The following KLHL1 variants were observed in gnomAD, a reference collection of about 807,000 sequenced individuals.
KLHL1 encodes the protein kelch like family member 1.
Under a neutral mutation model 77.7 loss-of-function variants are expected in KLHL1, and 47 were observed. The observed-to-expected ratio is 0.60, with a 90% CI of 0.48 to 0.77. The LOEUF (loss-of-function observed/expected upper bound fraction) is 0.77. Ranked by LOEUF, KLHL1 falls within the 30% of genes least tolerant of loss-of-function variation. KLHL1 has a pLI of 0.00. For missense variants in KLHL1, 925 were observed against 910.8 expected (o/e 1.02, Z -0.20); for synonymous variants, 360 against 325.2 (o/e 1.11, Z -1.15).
At chr13:69,835,722 C>A (rs1878961044) in intron 6 of KLHL1, among the ~76,000 whole-genome samples, 1 of 151,762 alleles carries the variant, frequency 6.6e-6, no homozygotes, top group African/African-American at 2.4e-5. Context: ...TTGTCAGAAA[C>A]AACAAACAAC....
At chr13:69,830,162 G>A (rs188859362) in intron 6 of KLHL1, among the ~76,000 whole-genome samples, 22 of 150,124 alleles carry the variant, frequency 1.5e-4, no homozygotes, top group Non-Finnish European at 3.0e-5. Flanking sequence ...ATACGGAATG[G>A]ATAATAATTC....
At chr13:69,886,569 T>C (rs902367352) in intron 4 of KLHL1, among the ~76,000 whole-genome samples, 1 of 151,964 alleles carries the variant, frequency 6.6e-6, no homozygotes, top group African/African-American at 2.4e-5. Context: ...AACCTAATGG[T>C]AATATTGTAT....
intron 1 of KLHL1, among the ~76,000 whole-genome samples, chr13:70,062,733 G>A (rs1886921336): frequency 6.6e-6 from 1 of 151,884 alleles, no homozygotes; most frequent in Non-Finnish European, 1.5e-5. Flanking sequence ...GCTTCTTAAT[G>A]TATTAAACTT....
intron 7 of KLHL1, among the ~76,000 whole-genome samples, chr13:69,787,890 A>G (rs1406710245): frequency 6.6e-6 from 1 of 152,258 alleles, no homozygotes; most frequent in Non-Finnish European, 1.5e-5. Flanking sequence ...TATGCAGCCA[A>G]AAAACACATG....
chr13:69,771,530 T>C (rs547561767), intron 7 of KLHL1, among the ~76,000 whole-genome samples: 1 of 152,334 alleles, frequency 6.6e-6, no homozygotes, highest in South Asian at 2.1e-4. Flanking sequence ...GTCTCTTGTC[T>C]GTCATTTCAT....
rs376082241 is a variant in KLHL1 at position 69,907,361 on chromosome 13, C to A, written c.1015-24866G>T. ...CAAGTGTTTCCAAAATGGCAAATAT[C>A]TATTGTAATATTCTGAAGTAGAATC... is the stretch of plus-strand genomic sequence containing the variant. On this transcript the variant is annotated intron_variant, in intron 4 of 10. Transcript: ENST00000377844. Among the ~76,000 whole-genome samples the A allele has an allele frequency of 1.8e-4, 28 of 152,028 alleles. No individual in the cohort carries two copies. In the East Asian group the frequency reaches 5.0e-3, roughly 27 times the overall value.
At chr13:70,061,577 C>T (rs1886887452) in intron 1 of KLHL1, among the ~76,000 whole-genome samples, 1 of 152,110 alleles carries the variant, frequency 6.6e-6, no homozygotes, top group Non-Finnish European at 1.5e-5. Context: ...GTCAGATTTT[C>T]TCTTCACACT....
chr13:69,814,886 C>G lies in KLHL1; in HGVS notation c.1415-17924G>C, dbSNP rs553351088. ...ATTAGCTGGGCGTGGTGGGGTGTGC[C>G]TGTAGTCCCAGCTACTCGGGAGGCT... On this transcript the variant is annotated intron_variant, in intron 6 of 10. Coordinates refer to ENST00000377844, the MANE Select transcript of KLHL1 (RefSeq NM_020866.3). 5.3e-5 allele frequency among the ~76,000 whole-genome samples: 8 copies of G among 152,178 alleles called. No homozygotes were observed. The East Asian group carries it at 1.6e-3, about 30-fold the overall frequency.
intron 7 of KLHL1, among the ~76,000 whole-genome samples, chr13:69,759,312 C>A (rs1239521506): frequency 6.6e-6 from 1 of 152,108 alleles, no homozygotes. Flanking sequence ...ACAGCATTAG[C>A]TCATGAACAA....
chr13:70,063,192 CTA>C (rs1684798983), intron 1 of KLHL1, among the ~76,000 whole-genome samples: 1 of 152,112 alleles, frequency 6.6e-6, no homozygotes, highest in South Asian at 2.1e-4. Flanking sequence ...TCTAAGTAGA[CTA>C]TGCTAGGTGA....
intron 1 of KLHL1, among the ~76,000 whole-genome samples, chr13:69,981,486 G>A (rs1362270258): frequency 2.0e-5 from 3 of 151,724 alleles, no homozygotes; most frequent in Non-Finnish European, 4.4e-5. Context: ...TACATACATA[G>A]ATCTTAGACA....
intron 5 of KLHL1, among the ~76,000 whole-genome samples, chr13:69,844,598 T>C (rs1026452421): frequency 6.6e-6 from 1 of 151,636 alleles, no homozygotes; most frequent in African/African-American, 2.4e-5. Context: ...GCCAACCACA[T>C]GTGAGTTTGG....
chr13:69,844,935 TA>T (rs1047947312), intron 5 of KLHL1, among the ~76,000 whole-genome samples: 2 of 150,070 alleles, frequency 1.3e-5, no homozygotes, highest in African/African-American at 4.9e-5. Context: ...TGGTGAAAAC[TA>T]AAAAAAAATA....
chr13:69,976,214 T>A (rs921134228), intron 1 of KLHL1, among the ~76,000 whole-genome samples: 3 of 152,044 alleles, frequency 2.0e-5, no homozygotes, highest in African/African-American at 7.2e-5. Context: ...ATTCTTGAGA[T>A]GTCATAGTAA....
At chr13:69,971,035 T>G (rs918913000) in intron 2 of KLHL1, among the ~76,000 whole-genome samples, 1 of 151,656 alleles carries the variant, frequency 6.6e-6, no homozygotes, top group Non-Finnish European at 1.5e-5. Context: ...CAAAACTACC[T>G]TTCTAAATTA....
intron 1 of KLHL1, among the ~76,000 whole-genome samples, chr13:70,048,123 G>T (rs895573153): frequency 6.6e-6 from 1 of 152,090 alleles, no homozygotes; most frequent in African/African-American, 2.4e-5. Flanking sequence ...CTTAAAAAAT[G>T]ATATTATTGC....
At chr13:69,711,993 C>A (rs917408951) in intron 9 of KLHL1, among the ~76,000 whole-genome samples, 1 of 151,988 alleles carries the variant, frequency 6.6e-6, no homozygotes, top group African/African-American at 2.4e-5. Context: ...TTTTTTTTCC[C>A]AGTAGTCATT....
rs1881533969 is a variant in KLHL1, at chr13:69,893,929, C to G, written c.1015-11434G>C. On this transcript the variant is annotated intron_variant, in intron 4 of 10. Transcript: ENST00000377844. ...CAACAGACAAAGGCCGCCCAATGGC[C>G]ATCTTACACATCACTCTCCAAAAGA... 2.0e-5 allele frequency among the ~76,000 whole-genome samples: 3 copies of G among 152,132 alleles called. No homozygotes were observed. The South Asian group carries it at 6.2e-4, about 32-fold the overall frequency.
chr13:69,895,614 T>C (rs1455886041), intron 4 of KLHL1, among the ~76,000 whole-genome samples: 3 of 151,984 alleles, frequency 2.0e-5, no homozygotes, highest in Non-Finnish European at 2.9e-5. Context: ...GTAGCTCAGG[T>C]AGTTTTCTGC....
Sources: allele counts gnomAD v4.1 joint callset (sites outside exome capture counted in the v4.1 genomes callset), GRCh38; gene constraint gnomAD v4.1.1; transcripts MANE v1.5; gene names NCBI Gene and HGNC (gene_info 2026-07-23, HGNC 2026-07-21).